Variants in ZNF595 observed in about 807,000 individuals in gnomAD.
ZNF595 encodes zinc finger protein 595.
A neutral mutation model predicts 19.4 loss-of-function variants in ZNF595; 9 were observed. That is an observed-to-expected ratio of 0.46 (90% CI 0.28 to 0.81). ZNF595 has a LOEUF of 0.81. ZNF595 is among the 30% of genes least tolerant of loss of function. The pLI is 0.11. For missense variants in ZNF595, 729 were observed against 736.0 expected, an observed-to-expected ratio of 0.99 and a Z score of 0.11; for synonymous variants, 255 against 255.9, an observed-to-expected ratio of 1.00 and a Z score of 0.03.
intron 3 of ZNF595, among the ~76,000 whole-genome samples, chr4:82,614 C>A (rs1179173395): frequency 2.0e-5 from 3 of 151,862 alleles, no homozygotes; most frequent in African/African-American, 7.3e-5. Flanking sequence ...GAACTAATGA[C>A]CTCAAGTGAT....
chr4:73,367 C>T (rs1553798152), intron 3 of ZNF595, among the ~76,000 whole-genome samples: 1 of 152,138 alleles, frequency 6.6e-6, no homozygotes, highest in Non-Finnish European at 1.5e-5. Flanking sequence ...TGTATGCTAT[C>T]TCAGACTGAA....
Position 86,748 on chromosome 4 carries a change from A to G in ZNF595, c.1244A>G (p.Lys415Arg), listed in dbSNP as rs781801889. 2 of 1,613,802 alleles carry G rather than the reference A, an allele frequency of 1.2e-6. No homozygotes were observed. The highest frequency in any genetic ancestry group is 2.2e-5 in the South Asian group (2 of 91,034). The change falls in exon 4 of 4, where the codon AAG becomes AGG. Residue 415 changes from lysine to arginine, a missense_variant. This residue lies in a region of ZNF595 where 729 missense variants were observed against 675.3 expected (regional missense o/e 1.08). Transcript: ENST00000610261. ...FYRSSHLAKH[K>R]RIHTGEKPYT... ...AGGTCCTCACACCTTGCTAAACATA[A>G]GAGAATTCATACTGGAGAGAAACCC...
rs1192154507 is a variant in ZNF595 at position 77,135 on chromosome 4, CT to C, written c.227-8585del. On this transcript the variant is annotated intron_variant, in intron 3 of 3. Coordinates refer to ENST00000610261, the MANE Select transcript of ZNF595 (RefSeq NM_182524.4). ...CAAATGCTTTATTCACTCTTTCATT[CT>C]TTTTTTTTTTAAATTAGGAACTGTC... 5.6e-3 allele frequency among the ~76,000 whole-genome samples: 809 copies of C among 145,596 alleles called. 6 individuals carry two copies. The highest frequency in any genetic ancestry group is 0.016 in the African/African-American group (650 of 40,036).
chr4:68,945 A>C (rs564509256), intron 3 of ZNF595, among the ~76,000 whole-genome samples: 3 of 152,268 alleles, frequency 2.0e-5, no homozygotes, highest in Admixed American at 2.0e-4. Flanking sequence ...TCTGCTTTCT[A>C]TCTCCATGAA....
At chr4:81,952 CACTA>C (rs1239241047) in intron 3 of ZNF595, among the ~76,000 whole-genome samples, 1 of 152,094 alleles carries the variant, frequency 6.6e-6, no homozygotes, top group Admixed American at 6.5e-5. Flanking sequence ...TATTTGCTTT[CACTA>C]ACAATGCTAC....
intron 3 of ZNF595, among the ~76,000 whole-genome samples, chr4:77,915 G>A (rs1270635115): frequency 2.0e-5 from 3 of 152,128 alleles, no homozygotes; most frequent in Non-Finnish European, 4.4e-5. Context: ...GAGCAGTACT[G>A]ACCCTTGAAC....
In ZNF595 at chr4:87,980, A is replaced by C. The variant is rs985933192; in HGVS notation, c.*529A>C. 2 of 152,172 alleles carry C rather than the reference A, an allele frequency of 1.3e-5. No homozygotes were observed. Among genetic ancestry groups the C allele is most frequent in the African/African-American group, 4.8e-5 (2 of 41,428 alleles). 9.4% of individuals were successfully genotyped at this position (152,172 alleles called of 1,614,324 possible). A position where few individuals can be genotyped will look rare whatever the true frequency, so the allele number is the denominator to read the frequency against. On this transcript the variant is annotated 3_prime_UTR_variant, in exon 4 of 4. Coordinates refer to ENST00000610261, the MANE Select transcript of ZNF595 (RefSeq NM_182524.4). ...CATGATCCACCCACCTCGGCCTCCC[A>C]AAGTGCTGGGATTACGGGTGTGAGC...
At chr4:83,331 A>G (rs1265119365) in intron 3 of ZNF595, among the ~76,000 whole-genome samples, 1 of 152,078 alleles carries the variant, frequency 6.6e-6, no homozygotes, top group Non-Finnish European at 1.5e-5. Flanking sequence ...GTGAAAAAGC[A>G]AGTTGTGGCT....
intron 3 of ZNF595, among the ~76,000 whole-genome samples, chr4:78,364 C>T (rs1449274665): frequency 1.3e-5 from 2 of 152,030 alleles, no homozygotes; most frequent in South Asian, 2.1e-4. Flanking sequence ...CTTTTATGAC[C>T]CTGTGGTATT....
chr4:65,013 C>A (rs1581329211), intron 3 of ZNF595, among the ~76,000 whole-genome samples: 1,126 of 145,986 alleles, frequency 7.7e-3, no homozygotes, highest in African/African-American at 0.03. Context: ...CAGTTGAGGC[C>A]AAGATCTGCA....
chr4:64,587 C>T (rs1581328420), intron 3 of ZNF595, among the ~76,000 whole-genome samples: 1 of 152,294 alleles, frequency 6.6e-6, no homozygotes, highest in Non-Finnish European at 1.5e-5. Flanking sequence ...AAGGGTGCTG[C>T]TAGGTCTGTT....
intron 3 of ZNF595, chr4:67,789 G>A (rs1713210257): frequency 1.9e-6 from 1 of 534,930 alleles, no homozygotes; most frequent in Non-Finnish European, 3.3e-6. Context: ...TATAATAGGT[G>A]TTTAAAATCA....
Position 82,900 on chromosome 4 carries a change from T to G in ZNF595, c.227-2831T>G, listed in dbSNP as rs1330880531. 3.3e-5 allele frequency among the ~76,000 whole-genome samples: 5 copies of G among 152,340 alleles called. No homozygotes were observed. In the East Asian group the frequency reaches 9.6e-4, roughly 29 times the overall value. ...ATTAGACATAATTGTTTTATACTGC[T>G]TTGAAGTCTTCTATTTCCTTGAGTA... is the stretch of plus-strand genomic sequence containing the variant. On this transcript the variant is annotated intron_variant, in intron 3 of 3. Transcript: ENST00000610261.
At chr4:83,569 G>T (rs1328805105) in intron 3 of ZNF595, among the ~76,000 whole-genome samples, 9 of 135,196 alleles carry the variant, frequency 6.7e-5, no homozygotes, top group Non-Finnish European at 9.1e-5. Flanking sequence ...GCAGTGAGCC[G>T]AGATCACGCC....
Position 86,792 on chromosome 4 carries a change from G to A in ZNF595, c.1288G>A (p.Gly430Ser), listed in dbSNP as rs1553801772. 1.9e-6 allele frequency: 3 copies of A among 1,613,790 alleles called. No homozygotes were observed. Among genetic ancestry groups the A allele is most frequent in the South Asian group, 2.2e-5 (2 of 91,056 alleles). ...GAAACCCTACACGTGCGAAGAATGT[G>A]GCAAAGCTTTTAACCAATCCTCAAC... ...GEKPYTCEEC[G>S]KAFNQSSTLI... Residue 430 changes from glycine to serine, a missense_variant, in exon 4 of 4, where the codon GGC becomes AGC. Physicochemically the swap from Gly to Ser is moderately conservative, Grantham distance 56. Around this residue, in one of 2 missense-constraint regions of ZNF595, gnomAD observed 729 missense variants for 675.3 expected, o/e 1.08. Coordinates refer to ENST00000610261, the MANE Select transcript of ZNF595 (RefSeq NM_182524.4).
intron 3 of ZNF595, among the ~76,000 whole-genome samples, chr4:66,239 A>G (rs1229988080): frequency 6.7e-6 from 1 of 149,538 alleles, no homozygotes; most frequent in Admixed American, 6.6e-5. Context: ...TTTTCTTTAC[A>G]TTTTTCTAAA....
At chr4:71,792 A>G (rs185802902) in intron 3 of ZNF595, among the ~76,000 whole-genome samples, 62 of 152,328 alleles carry the variant, frequency 4.1e-4, no homozygotes, top group Non-Finnish European at 5.7e-4. Context: ...GAAAGCTGAT[A>G]TTGATGGGAA....
intron 3 of ZNF595, among the ~76,000 whole-genome samples, chr4:74,537 G>A (rs1713565810): frequency 1.3e-5 from 2 of 152,230 alleles, no homozygotes; most frequent in Admixed American, 6.5e-5. Context: ...ACACACATCT[G>A]TGGCAGGAAG....
chr4:64,479 C>T, intron 3 of ZNF595, among the ~76,000 whole-genome samples: 1 of 152,310 alleles, frequency 6.6e-6, no homozygotes, highest in Non-Finnish European at 1.5e-5. Context: ...AGTGACCGAG[C>T]ATAGTGACTC....
Sources: allele counts gnomAD v4.1 joint callset (sites outside exome capture counted in the v4.1 genomes callset), GRCh38; gene constraint gnomAD v4.1.1; regional missense constraint gnomAD v4.1.1; transcripts MANE v1.5; gene names NCBI Gene and HGNC (gene_info 2026-07-23, HGNC 2026-07-21).